DSCAM: variants seen among roughly 807,000 people sequenced by gnomAD.
DSCAM encodes cell adhesion molecule DSCAM.
DSCAM carries 47 observed loss-of-function variants against 217.7 expected under a neutral mutation model. That is an observed-to-expected ratio of 0.22 (90% CI 0.17 to 0.28). The LOEUF (loss-of-function observed/expected upper bound fraction) is 0.28. DSCAM is among the 10% of genes least tolerant of loss of function. DSCAM has a pLI of 1.00. For synonymous variants in DSCAM, 1,056 were observed against 1,015.3 expected (o/e 1.04, Z -0.76); for missense variants, 2,080 against 2,618.3 (o/e 0.79, Z 4.49).
Position 40,311,958 on chromosome 21 carries a change from T to C in DSCAM, c.2062+123A>G, listed in dbSNP as rs1008365310. ...ATTTTTTTTTTTTTTTTTTTTTTTT[T>C]TTAGTGAGATAAAACTGAATTTCTA... On this transcript the variant is annotated intron_variant, in intron 9 of 32. Coordinates refer to ENST00000400454, the MANE Select transcript of DSCAM (RefSeq NM_001389.5). The C allele has an allele frequency of 1.2e-4, 52 of 441,202 alleles. No homozygotes were observed. In the South Asian group the frequency reaches 2.8e-3, roughly 24 times the overall value. 27.3% of individuals were successfully genotyped at this position (441,202 alleles called of 1,614,324 possible).
intron 1 of DSCAM, among the ~76,000 whole-genome samples, chr21:40,726,112 G>T (rs1202940189): frequency 6.6e-6 from 1 of 152,106 alleles, no homozygotes; most frequent in Admixed American, 6.5e-5. Context: ...GGCTCCTGGA[G>T]AGATGTTTCC....
chr21:40,055,158 C>T (rs77946937), intron 29 of DSCAM, among the ~76,000 whole-genome samples: 2,036 of 152,260 alleles, frequency 0.013, 48 homozygotes, highest in African/African-American at 0.046. Flanking sequence ...TTCTGAAACC[C>T]TAAAACTAGG....
In DSCAM at chr21:40,013,091, G is replaced by A. The variant is rs1601223197; in HGVS notation, c.5982C>T (p.Asp1994=). The part of the protein sequence containing the change: ...KMSSSQESLL[D]SRGHLKGNNP... The stretch of plus-strand genomic sequence containing the variant: ...TGTTTCCTTTCAAATGGCCCCGGGA[G>A]TCGAGCAGTGATTCTTGGGAGCTGC... The change falls in exon 33 of 33, where the codon GAC becomes GAT. Residue 1994 remains aspartate, a synonymous_variant. Coordinates refer to ENST00000400454, the MANE Select transcript of DSCAM (RefSeq NM_001389.5). The A allele has an allele frequency of 1.6e-5, 26 of 1,590,910 alleles. No individual in the cohort carries two copies. The highest frequency in any genetic ancestry group is 2.2e-5 in the Non-Finnish European group (26 of 1,166,282).
chr21:40,782,001 A>AG (rs1555888299), intron 1 of DSCAM, among the ~76,000 whole-genome samples: 1 of 149,310 alleles, frequency 6.7e-6, no homozygotes, highest in Non-Finnish European at 1.5e-5. Context: ...ACAAAAAAAA[A>AG]AAAAAAAAAG....
At chr21:40,269,221 G>A (rs1297602346) in intron 11 of DSCAM, among the ~76,000 whole-genome samples, 1 of 152,190 alleles carries the variant, frequency 6.6e-6, no homozygotes, top group Non-Finnish European at 1.5e-5. Context: ...CTCATGTACT[G>A]CCAGACATCA....
chr21:40,829,382 T>C (rs558181645), intron 1 of DSCAM, among the ~76,000 whole-genome samples: 20 of 152,088 alleles, frequency 1.3e-4, no homozygotes, highest in South Asian at 4.1e-4. Flanking sequence ...TGAGGTAGAT[T>C]GAGGGCAGAG....
intron 1 of DSCAM, among the ~76,000 whole-genome samples, chr21:40,740,014 A>G (rs954297865): frequency 7.5e-6 from 1 of 134,142 alleles, no homozygotes; most frequent in Admixed American, 8.3e-5. Flanking sequence ...GAGCTACAGC[A>G]AACCCTTGCT....
At chr21:40,411,173 TATACACACACACACACAC>T (rs1453998991) in intron 3 of DSCAM, among the ~76,000 whole-genome samples, 17 of 134,848 alleles carry the variant, frequency 1.3e-4, no homozygotes, top group East Asian at 4.4e-4. Flanking sequence ...ACAGTAATTA[TATACACACACACACACAC>T]ACACACACAC....
At chr21:40,304,706 T>C (rs2074053052) in intron 9 of DSCAM, among the ~76,000 whole-genome samples, 1 of 152,200 alleles carries the variant, frequency 6.6e-6, no homozygotes, top group South Asian at 2.1e-4. Context: ...AATATTGTTA[T>C]GTCTTAGGAA....
intron 3 of DSCAM, among the ~76,000 whole-genome samples, chr21:40,418,072 G>C (rs2075388914): frequency 6.6e-6 from 1 of 152,164 alleles, no homozygotes; most frequent in African/African-American, 2.4e-5. Context: ...AGTAACCATT[G>C]AAGTACGATA....
chr21:40,285,194 C>T (rs2073809991), intron 10 of DSCAM, among the ~76,000 whole-genome samples: 1 of 152,200 alleles, frequency 6.6e-6, no homozygotes, highest in Non-Finnish European at 1.5e-5. Flanking sequence ...TATGCAGATT[C>T]CACCAGTGCT....
At chr21:40,554,160 T>G (rs913263572) in intron 3 of DSCAM, among the ~76,000 whole-genome samples, 1 of 151,766 alleles carries the variant, frequency 6.6e-6, no homozygotes, top group South Asian at 2.1e-4. Context: ...ACTACAGGCA[T>G]GCATCACCAT....
At chr21:40,306,304 C>T (rs1239047629) in intron 9 of DSCAM, among the ~76,000 whole-genome samples, 1 of 149,842 alleles carries the variant, frequency 6.7e-6, no homozygotes, top group Non-Finnish European at 1.5e-5. Context: ...TATCCTGAGA[C>T]TTTGCTGAAG....
chr21:40,440,805 T>C (rs1057079285), intron 3 of DSCAM, among the ~76,000 whole-genome samples: 9 of 151,626 alleles, frequency 5.9e-5, no homozygotes, highest in African/African-American at 2.2e-4. Flanking sequence ...ACAGGACCTA[T>C]ACCACATGAG....
At chr21:40,825,074 T>C (rs976392819) in intron 1 of DSCAM, among the ~76,000 whole-genome samples, 5 of 152,220 alleles carry the variant, frequency 3.3e-5, no homozygotes, top group South Asian at 2.1e-4. Flanking sequence ...AAGAGGAAGT[T>C]GTTTTGTTTC....
chr21:40,697,112 T>C (rs2090604136), intron 2 of DSCAM, among the ~76,000 whole-genome samples: 1 of 152,088 alleles, frequency 6.6e-6, no homozygotes, highest in South Asian at 2.1e-4. Flanking sequence ...ACTCTCCACC[T>C]CCATAAGATC....
At chr21:40,511,363 G>C (rs558562385) in intron 3 of DSCAM, among the ~76,000 whole-genome samples, 1 of 152,118 alleles carries the variant, frequency 6.6e-6, no homozygotes, top group African/African-American at 2.4e-5. Context: ...TCAGCTTAAT[G>C]TAAGTTATTA....
At chr21:40,812,147 G>T (rs2091845049) in intron 1 of DSCAM, among the ~76,000 whole-genome samples, 1 of 152,130 alleles carries the variant, frequency 6.6e-6, no homozygotes, top group Admixed American at 6.5e-5. Context: ...GGGAGAGCAG[G>T]AATATAACAG....
chr21:40,633,637 A>G (rs1488320065), intron 3 of DSCAM, among the ~76,000 whole-genome samples: 1 of 152,220 alleles, frequency 6.6e-6, no homozygotes, highest in Non-Finnish European at 1.5e-5. Flanking sequence ...TATTTTGGCA[A>G]TAACTGAGTG....
Sources: gnomAD v4.1 joint callset for allele counts (sites outside exome capture counted in the v4.1 genomes callset) on GRCh38, gnomAD v4.1.1 for gene constraint, MANE v1.5 for transcripts, NCBI Gene and HGNC (gene_info 2026-07-23, HGNC 2026-07-21) for gene names.